Variants in ENPP2 observed in about 807,000 individuals in gnomAD.
The protein encoded by ENPP2 is ectonucleotide pyrophosphatase/phosphodiesterase 2.
In ENPP2, 51 loss-of-function variants were observed where a neutral mutation model predicts 120.2. The ratio of observed to expected loss-of-function variants is 0.42; its 90% CI spans 0.34 to 0.54. The LOEUF is 0.54. Ranked by LOEUF, ENPP2 falls within the 20% of genes least tolerant of loss-of-function variation. The probability of loss-of-function intolerance (pLI) is 0.04; values close to 1 mark genes in which losing one functional copy is unlikely to be tolerated. For synonymous variants in ENPP2, 365 were observed against 366.4 expected, an observed-to-expected ratio of 1.00 and a Z score of 0.04; for missense variants, 920 against 1,066.5, an observed-to-expected ratio of 0.86 and a Z score of 1.91.
intron 1 of ENPP2, among the ~76,000 whole-genome samples, chr8:119,666,276 T>C (rs1245604849): frequency 6.6e-6 from 1 of 152,134 alleles, no homozygotes; most frequent in Non-Finnish European, 1.5e-5. Context: ...ATAATGAAAA[T>C]ATGACCTTTT....
intron 22 of ENPP2, among the ~76,000 whole-genome samples, chr8:119,565,269 G>A (rs1040538255): frequency 3.3e-5 from 5 of 152,106 alleles, no homozygotes; most frequent in Admixed American, 1.3e-4. Flanking sequence ...GGCAGAACAC[G>A]CCAGGCAGAG....
intron 2 of ENPP2, among the ~76,000 whole-genome samples, chr8:119,628,595 G>A (rs1347296732): frequency 1.3e-5 from 2 of 152,128 alleles, no homozygotes; most frequent in African/African-American, 2.4e-5. Flanking sequence ...TAAAAAGAAT[G>A]AGTCAGATCG....
intron 1 of ENPP2, among the ~76,000 whole-genome samples, chr8:119,654,347 TATA>T (rs1337004520): frequency 3.5e-5 from 5 of 142,458 alleles, no homozygotes; most frequent in East Asian, 2.0e-4. Flanking sequence ...TATATCTCTG[TATA>T]ATATTTAATA....
intron 9 of ENPP2, among the ~76,000 whole-genome samples, chr8:119,604,204 T>G (rs1178109620): frequency 6.6e-6 from 1 of 151,958 alleles, no homozygotes; most frequent in Non-Finnish European, 1.5e-5. Context: ...ATTTTTGTAT[T>G]TTTAGTAGAG....
Position 119,557,428 on chromosome 8 carries a change from A to AT in ENPP2, c.*92dup. The AT allele has an allele frequency of 9.4e-7, 1 of 1,059,328 alleles. No homozygotes were observed. The highest frequency in any genetic ancestry group is 1.4e-6 in the Non-Finnish European group (1 of 730,336). 65.6% of individuals were successfully genotyped at this position (1,059,328 alleles called of 1,614,324 possible). A position where few individuals can be genotyped will look rare whatever the true frequency, so the allele number is the denominator to read the frequency against. On this transcript the variant is annotated 3_prime_UTR_variant, in exon 25 of 25. Transcript: ENST00000075322. ...TTTGGTACAGGATTAAAATACTAACATTTTTAATGTCCTGGTTTCAAATTA... is the reference window on the plus strand; with the variant it reads ...TTTGGTACAGGATTAAAATACTAACATTTTTTAATGTCCTGGTTTCAAATTA...
chr8:119,588,600 G>A (rs943268875), intron 13 of ENPP2, among the ~76,000 whole-genome samples: 2 of 151,466 alleles, frequency 1.3e-5, no homozygotes, highest in Non-Finnish European at 2.9e-5. Context: ...AACCCTAGGA[G>A]GTAAATGCTG....
intron 1 of ENPP2, among the ~76,000 whole-genome samples, chr8:119,652,875 G>GGACAACATTCTTGA (rs1184017512): frequency 2.6e-5 from 4 of 152,056 alleles, no homozygotes; most frequent in Non-Finnish European, 5.9e-5. Context: ...TATCTATCTG[G>GGACAACATTCTTGA]GACAACATTC....
chr8:119,661,913 C>T (rs1177123307), intron 1 of ENPP2, among the ~76,000 whole-genome samples: 1 of 151,926 alleles, frequency 6.6e-6, no homozygotes, highest in African/African-American at 2.4e-5. Context: ...TGAAATAAGC[C>T]AGGCACAGAA....
intron 3 of ENPP2, 53 bp from the exon 4 acceptor site, chr8:119,621,572 G>T (rs879027430): frequency 6.3e-7 from 1 of 1,584,976 alleles, no homozygotes; most frequent in Non-Finnish European, 8.6e-7. Context: ...CCAAATGAAA[G>T]AAGCCACAAT....
chr8:119,663,458 T>C (rs1817983142), intron 1 of ENPP2, among the ~76,000 whole-genome samples: 2 of 152,230 alleles, frequency 1.3e-5, no homozygotes, highest in South Asian at 4.1e-4. Context: ...TATCTGAAAC[T>C]GAAATTTAAC....
intron 12 of ENPP2, among the ~76,000 whole-genome samples, chr8:119,590,995 TAAAAA>T (rs58061193): frequency 4.5e-5 from 5 of 109,956 alleles, no homozygotes; most frequent in African/African-American, 1.8e-4. Flanking sequence ...ATCTATTCTT[TAAAAA>T]AAAAAAAAAA....
At chr8:119,566,921 A>G (rs1814499030) in intron 22 of ENPP2, among the ~76,000 whole-genome samples, 1 of 152,232 alleles carries the variant, frequency 6.6e-6, no homozygotes, top group African/African-American at 2.4e-5. Context: ...TAAGCAATAA[A>G]TTCTCTTTGA....
intron 21 of ENPP2, 133 bp from the exon 22 acceptor site, chr8:119,568,385 C>A (rs1330901939): frequency 1.6e-6 from 1 of 630,628 alleles, no homozygotes. Flanking sequence ...CTCTTTTATT[C>A]CTACTCCTAA....
chr8:119,579,796 T>C (rs907978505), intron 19 of ENPP2, among the ~76,000 whole-genome samples: 3 of 152,160 alleles, frequency 2.0e-5, no homozygotes, highest in Non-Finnish European at 2.9e-5. Context: ...TTATTTATCA[T>C]TGTGACTATC....
intron 8 of ENPP2, among the ~76,000 whole-genome samples, chr8:119,614,557 C>T (rs1377733454): frequency 6.6e-6 from 1 of 152,152 alleles, no homozygotes; most frequent in Non-Finnish European, 1.5e-5. Flanking sequence ...AACAGCATTT[C>T]CTCTGCTCTG....
intron 1 of ENPP2, among the ~76,000 whole-genome samples, chr8:119,654,844 A>G (rs1328335111): frequency 2.0e-5 from 3 of 152,260 alleles, no homozygotes; most frequent in Middle Eastern, 3.4e-3. Flanking sequence ...CTTCTTTCCA[A>G]CTCTAAGCAT....
chr8:119,612,989 G>C (rs937197009), intron 8 of ENPP2, among the ~76,000 whole-genome samples: 1 of 152,152 alleles, frequency 6.6e-6, no homozygotes, highest in Non-Finnish European at 1.5e-5. Context: ...GATCATGATG[G>C]GGTATTAAAC....
chr8:119,561,722 C>T (rs1813945905), intron 24 of ENPP2, among the ~76,000 whole-genome samples: 1 of 152,098 alleles, frequency 6.6e-6, no homozygotes. Flanking sequence ...ACTGCTACAC[C>T]TCCATCATAA....
intron 19 of ENPP2, among the ~76,000 whole-genome samples, chr8:119,573,408 T>TAAAAAAAAAAAAAAA (rs35227070): frequency 5.3e-4 from 66 of 124,356 alleles, no homozygotes; most frequent in South Asian, 1.7e-3. Flanking sequence ...CTCCGTCTCT[T>TAAAAAAAAAAAAAAA]AAAAAAAAAA....
Sources: gnomAD v4.1 joint callset for allele counts (sites outside exome capture counted in the v4.1 genomes callset) on GRCh38, gnomAD v4.1.1 for gene constraint, MANE v1.5 for transcripts, NCBI Gene and HGNC (gene_info 2026-07-23, HGNC 2026-07-21) for gene names.